The following DPF3 variants were observed in gnomAD, a reference collection of about 807,000 sequenced individuals.
DPF3 encodes double PHD fingers 3.
In DPF3, 18 loss-of-function variants were observed where a neutral mutation model predicts 56.8. The ratio of observed to expected loss-of-function variants is 0.32; its 90% CI spans 0.22 to 0.47. The LOEUF (loss-of-function observed/expected upper bound fraction) is 0.47. DPF3 is among the 20% of genes least tolerant of loss of function. The pLI is 1.00. For missense variants in DPF3, 403 were observed against 488.8 expected (o/e 0.82, Z 1.65); for synonymous variants, 188 against 180.2 (o/e 1.04, Z -0.35).
intron 8 of DPF3, among the ~76,000 whole-genome samples, chr14:72,639,223 C>T (rs757157410): frequency 2.0e-5 from 3 of 152,176 alleles, no homozygotes; most frequent in South Asian, 4.1e-4. Flanking sequence ...GCAAAATTCA[C>T]TGAGCACCTG....
intron 6 of DPF3, among the ~76,000 whole-genome samples, chr14:72,708,441 C>T (rs923481896): frequency 3.9e-5 from 6 of 152,180 alleles, no homozygotes; most frequent in African/African-American, 1.2e-4. Context: ...CTACCCCCAT[C>T]CAAGGACCTG....
intron 9 of DPF3, among the ~76,000 whole-genome samples, chr14:72,624,333 C>CTTTTTTTTTTTTTTTTTTTTTT (rs55820708): frequency 1.0e-5 from 1 of 97,796 alleles, no homozygotes; most frequent in African/African-American, 3.9e-5. Flanking sequence ...ACCTATGTCT[C>CTTTTTTTTTTTTTTTTTTTTTT]TTTTTTTTTT....
chr14:72,788,796 C>T (rs1329153265), intron 1 of DPF3, among the ~76,000 whole-genome samples: 2 of 152,122 alleles, frequency 1.3e-5, no homozygotes, highest in Non-Finnish European at 2.9e-5. Context: ...GTGGGTTGTC[C>T]CTTATCAGTA....
intron 1 of DPF3, chr14:72,892,056 A>C (rs8006178): frequency 0.27 from 380,574 of 1,399,990 alleles, 57,674 homozygotes; most frequent in East Asian, 0.6. Context: ...TGGAGCGAGT[A>C]GGGGAACACA....
chr14:72,771,336 G>C (rs1463193157), intron 2 of DPF3, among the ~76,000 whole-genome samples: 1 of 152,248 alleles, frequency 6.6e-6, no homozygotes, highest in African/African-American at 2.4e-5. Context: ...AGGAACCTGA[G>C]GGACAGAAGT....
intron 1 of DPF3, among the ~76,000 whole-genome samples, chr14:72,886,379 A>G (rs1460160706): frequency 6.6e-6 from 1 of 152,048 alleles, no homozygotes; most frequent in Admixed American, 6.5e-5. Flanking sequence ...CTAAAAAAAG[A>G]AAGAAAGAAA....
intron 1 of DPF3, among the ~76,000 whole-genome samples, chr14:72,856,744 T>A (rs2140091299): frequency 6.6e-6 from 1 of 152,292 alleles, no homozygotes; most frequent in East Asian, 1.9e-4. Flanking sequence ...GAAGTATGAA[T>A]AATGCGTGAA....
intron 1 of DPF3, among the ~76,000 whole-genome samples, chr14:72,855,281 T>A (rs1885132450): frequency 6.6e-6 from 1 of 152,220 alleles, no homozygotes; most frequent in Non-Finnish European, 1.5e-5. Flanking sequence ...TGACAATTTT[T>A]AAAAATCAGT....
chr14:72,834,601 C>A (rs1000060919), intron 1 of DPF3, among the ~76,000 whole-genome samples: 3 of 151,156 alleles, frequency 2.0e-5, no homozygotes, highest in African/African-American at 7.3e-5. Context: ...CTGATTGGAA[C>A]ACAAAATGCC....
Position 72,612,785 on chromosome 14 carries a change from G to C in DPF3, c.*6512C>G, listed in dbSNP as rs146924863. ...TTCATGAAAAGAAGCATAGGTGAACGAAGGGAAGAGAAGGAGAGAGGTCGC... is the reference window on the plus strand; with the variant it reads ...TTCATGAAAAGAAGCATAGGTGAACCAAGGGAAGAGAAGGAGAGAGGTCGC... On this transcript the variant is annotated 3_prime_UTR_variant, in exon 11 of 11. Transcript: ENST00000556509. 2.0e-5 allele frequency among the ~76,000 whole-genome samples: 3 copies of C among 152,360 alleles called. No homozygotes were observed. In the East Asian group the frequency reaches 5.8e-4, roughly 29 times the overall value.
At chr14:72,854,955 A>C (rs1885120291) in intron 1 of DPF3, among the ~76,000 whole-genome samples, 1 of 152,200 alleles carries the variant, frequency 6.6e-6, no homozygotes, top group Admixed American at 6.5e-5. Flanking sequence ...ACTAATTTAG[A>C]AACGAAGGGA....
At chr14:72,755,103 T>C (rs1284207891) in intron 2 of DPF3, among the ~76,000 whole-genome samples, 1 of 152,202 alleles carries the variant, frequency 6.6e-6, no homozygotes, top group Non-Finnish European at 1.5e-5. Flanking sequence ...TCTCCCACCA[T>C]GGCCATCTCT....
intron 2 of DPF3, among the ~76,000 whole-genome samples, chr14:72,768,619 TATTA>T (rs1265788736): frequency 6.6e-6 from 1 of 152,192 alleles, no homozygotes; most frequent in African/African-American, 2.4e-5. Context: ...CAATTGCAAT[TATTA>T]ATTATTTCAA....
At chr14:72,851,214 C>T (rs1038461914) in intron 1 of DPF3, among the ~76,000 whole-genome samples, 1 of 152,222 alleles carries the variant, frequency 6.6e-6, no homozygotes. Flanking sequence ...ACTATGTCCT[C>T]AATCCCTCAT....
intron 7 of DPF3, among the ~76,000 whole-genome samples, chr14:72,685,083 C>T (rs773784922): frequency 7.2e-5 from 11 of 152,190 alleles, no homozygotes; most frequent in Middle Eastern, 3.2e-3. Flanking sequence ...AAATAAATTC[C>T]GGTTGTTTAA....
At chr14:72,655,555 G>T (rs2153568853) in intron 8 of DPF3, among the ~76,000 whole-genome samples, 1 of 152,268 alleles carries the variant, frequency 6.6e-6, no homozygotes, top group Non-Finnish European at 1.5e-5. Context: ...TGGCCTTTTG[G>T]CCTTACTGTT....
chr14:72,678,492 G>T (rs1380144462), intron 7 of DPF3, among the ~76,000 whole-genome samples: 2 of 152,202 alleles, frequency 1.3e-5, no homozygotes, highest in Non-Finnish European at 2.9e-5. Flanking sequence ...GAGAATTCCA[G>T]AGGCTCATGA....
intron 9 of DPF3, 97 bp from the exon 10 acceptor site, chr14:72,620,081 G>T: frequency 2.3e-6 from 3 of 1,281,728 alleles, no homozygotes; most frequent in South Asian, 1.6e-5. Context: ...TTCCACGTCG[G>T]TCTCACTGGA....
intron 1 of DPF3, among the ~76,000 whole-genome samples, chr14:72,838,910 T>A (rs1467228913): frequency 0.41 from 16,227 of 39,614 alleles, 3,178 homozygotes; most frequent in East Asian, 0.59. Flanking sequence ...TATATATTCT[T>A]TTTTTTTTTT....
Sources: gnomAD v4.1 joint callset for allele counts (sites outside exome capture counted in the v4.1 genomes callset) on GRCh38, gnomAD v4.1.1 for gene constraint, MANE v1.5 for transcripts, NCBI Gene and HGNC (gene_info 2026-07-23, HGNC 2026-07-21) for gene names.